The following DCC variants were observed in gnomAD, a reference collection of about 807,000 sequenced individuals.
DCC encodes netrin receptor DCC.
A neutral mutation model predicts 172.5 loss-of-function variants in DCC; 58 were observed. The ratio of observed to expected loss-of-function variants is 0.34; its 90% confidence interval spans 0.27 to 0.42. DCC has a LOEUF of 0.42. Among genes scored for constraint, DCC ranks in the 10% least tolerant of loss-of-function variants. DCC has a pLI of 1.00. For missense variants in DCC, 1,740 were observed against 1,791.0 expected (o/e 0.97, Z 0.51); for synonymous variants, 709 against 644.5 (o/e 1.10, Z -1.52).
At chr18:53,211,825 A>T (rs2055758010) in intron 11 of DCC, among the ~76,000 whole-genome samples, 1 of 152,148 alleles carries the variant, frequency 6.6e-6, no homozygotes, top group Non-Finnish European at 1.5e-5. Flanking sequence ...AGGTGGGTAG[A>T]TCACTTGAGG....
intron 1 of DCC, among the ~76,000 whole-genome samples, chr18:52,512,359 T>G (rs1213701974): frequency 6.6e-6 from 1 of 152,174 alleles, no homozygotes; most frequent in Non-Finnish European, 1.5e-5. Context: ...TATGGCTTCC[T>G]CCTCCACATA....
chr18:53,070,073 A>G (rs969607771), intron 7 of DCC, among the ~76,000 whole-genome samples: 6 of 150,972 alleles, frequency 4.0e-5, no homozygotes, highest in African/African-American at 7.3e-5. Flanking sequence ...TCCGCCTCCC[A>G]GGTTCAAGTG....
chr18:53,287,445 A>C (rs2056949238), intron 12 of DCC, among the ~76,000 whole-genome samples: 1 of 152,208 alleles, frequency 6.6e-6, no homozygotes, highest in East Asian at 1.9e-4. Flanking sequence ...GCTGCTATGA[A>C]CATTTGTAAA....
At chr18:53,062,385 C>G (rs1437226385) in intron 5 of DCC, among the ~76,000 whole-genome samples, 2 of 152,054 alleles carry the variant, frequency 1.3e-5, no homozygotes, top group East Asian at 1.9e-4. Context: ...ACACAGTCTA[C>G]CTTTGGTAAT....
chr18:53,049,087 T>C (rs2042299091), intron 5 of DCC, among the ~76,000 whole-genome samples: 1 of 152,090 alleles, frequency 6.6e-6, no homozygotes, highest in African/African-American at 2.4e-5. Flanking sequence ...ATTATGCCTT[T>C]GTCAGATATT....
intron 2 of DCC, among the ~76,000 whole-genome samples, chr18:52,899,107 G>C (rs1326586931): frequency 6.6e-6 from 1 of 151,880 alleles, no homozygotes; most frequent in Admixed American, 6.6e-5. Context: ...GCTCTTTTCT[G>C]CTTTCCTGAA....
At chr18:53,066,423 G>A (rs1299606137) in intron 7 of DCC, among the ~76,000 whole-genome samples, 1 of 130,064 alleles carries the variant, frequency 7.7e-6, no homozygotes, top group East Asian at 2.1e-4. Context: ...GTGTGTGTTT[G>A]TGTATATATA....
intron 1 of DCC, among the ~76,000 whole-genome samples, chr18:52,425,029 C>G (rs982580648): frequency 6.6e-6 from 1 of 151,902 alleles, no homozygotes; most frequent in African/African-American, 2.4e-5. Context: ...GTATACATTG[C>G]CTGAATAATG....
chr18:52,932,298 A>G (rs1009301710), intron 5 of DCC, among the ~76,000 whole-genome samples: 3 of 152,132 alleles, frequency 2.0e-5, no homozygotes, highest in Non-Finnish European at 4.4e-5. Flanking sequence ...CCCAACTTTT[A>G]CCCAGCTCCA....
At chr18:52,510,230 G>T (rs1598875850) in intron 1 of DCC, among the ~76,000 whole-genome samples, 1 of 151,926 alleles carries the variant, frequency 6.6e-6, no homozygotes, top group Non-Finnish European at 1.5e-5. Flanking sequence ...GAAGACATAA[G>T]CCCTTCTCTG....
At chr18:52,941,474 A>G (rs903819859) in intron 5 of DCC, among the ~76,000 whole-genome samples, 1 of 142,038 alleles carries the variant, frequency 7.0e-6, no homozygotes, top group African/African-American at 2.6e-5. Flanking sequence ...TTTAACATAC[A>G]TATATACATG....
intron 1 of DCC, among the ~76,000 whole-genome samples, chr18:52,560,164 T>C (rs2033003824): frequency 6.6e-6 from 1 of 152,202 alleles, no homozygotes; most frequent in African/African-American, 2.4e-5. Context: ...TATATATTTC[T>C]GGCTGTGGGC....
chr18:52,347,169 T>C (rs577519837), intron 1 of DCC, among the ~76,000 whole-genome samples: 1 of 152,320 alleles, frequency 6.6e-6, no homozygotes, highest in Admixed American at 6.5e-5. Context: ...GACTTGTCAA[T>C]ACAACATTAT....
chr18:53,080,282 T>A (rs537837502), intron 7 of DCC, among the ~76,000 whole-genome samples: 1 of 152,152 alleles, frequency 6.6e-6, no homozygotes, highest in Admixed American at 6.6e-5. Context: ...AGCCATCACT[T>A]AAGAAAGAGG....
intron 2 of DCC, among the ~76,000 whole-genome samples, chr18:52,864,552 T>C (rs935416209): frequency 2.0e-5 from 3 of 152,200 alleles, no homozygotes; most frequent in Non-Finnish European, 4.4e-5. Flanking sequence ...TTCTGGGATA[T>C]ATGTGCAGGT....
chr18:53,103,431 G>A (rs1241061431), intron 7 of DCC, among the ~76,000 whole-genome samples: 1 of 151,946 alleles, frequency 6.6e-6, no homozygotes, highest in Non-Finnish European at 1.5e-5. Flanking sequence ...GAGTTCAGTG[G>A]CATGATCATG....
chr18:52,761,267 A>G (rs572504828), intron 2 of DCC, among the ~76,000 whole-genome samples: 50 of 152,356 alleles, frequency 3.3e-4, no homozygotes, highest in Non-Finnish European at 5.6e-4. Context: ...CCATGAGAAC[A>G]GTATGGGAAA....
Position 52,655,984 on chromosome 18 carries a change from G to A in DCC, c.92-96070G>A, listed in dbSNP as rs34603383. Among the ~76,000 whole-genome samples, 661 of 114,362 alleles carry A rather than the reference G, an allele frequency of 5.8e-3. 4 individuals are homozygous for A. Among genetic ancestry groups the A allele is most frequent in the African/African-American group, 0.015 (499 of 32,794 alleles). 75.0% of individuals were successfully genotyped at this position (114,362 alleles called of 152,430 possible). On this transcript the variant is annotated intron_variant, in intron 1 of 28. Transcript: ENST00000442544. ...TGTGTGTGTGTGTGTGTGTGTGTGT[G>A]TGTATATATATATGTGCGTATATAT...
chr18:52,371,089 G>C (rs902645616), intron 1 of DCC, among the ~76,000 whole-genome samples: 1 of 152,164 alleles, frequency 6.6e-6, no homozygotes, highest in Non-Finnish European at 1.5e-5. Context: ...TTTCTCCCTG[G>C]ATGTCATCTT....
Sources: gnomAD v4.1 joint callset for allele counts (sites outside exome capture counted in the v4.1 genomes callset) on GRCh38, gnomAD v4.1.1 for gene constraint, MANE v1.5 for transcripts, NCBI Gene and HGNC (gene_info 2026-07-23, HGNC 2026-07-21) for gene names.